Variants in PARD6B observed in about 807,000 individuals in gnomAD.
PARD6B encodes par-6 family cell polarity regulator beta.
Under a neutral mutation model 10.5 loss-of-function variants are expected in PARD6B, and 4 were observed. That is an observed-to-expected ratio of 0.38 (90% CI 0.19 to 0.87). PARD6B has a LOEUF of 0.87. Ranked by LOEUF, PARD6B falls within the 40% of genes least tolerant of loss-of-function variation. The pLI is 0.41. For missense variants in PARD6B, 396 were observed against 470.6 expected (o/e 0.84, Z 1.47); for synonymous variants, 169 against 170.4 (o/e 0.99, Z 0.07).
chr20:50,739,355 G>C (rs2087517456), intron 2 of PARD6B, among the ~76,000 whole-genome samples: 1 of 152,106 alleles, frequency 6.6e-6, no homozygotes, highest in Non-Finnish European at 1.5e-5. Context: ...GCTGAGGCAG[G>C]AGAATCAGCC....
chr20:50,739,923 G>A (rs1053464831), intron 2 of PARD6B, among the ~76,000 whole-genome samples: 8 of 152,266 alleles, frequency 5.3e-5, no homozygotes, highest in African/African-American at 1.9e-4. Flanking sequence ...AAATACTTGG[G>A]AGTCATTGCA....
At chr20:50,745,714 C>T in intron 2 of PARD6B, among the ~76,000 whole-genome samples, 1 of 152,050 alleles carries the variant, frequency 6.6e-6, no homozygotes, top group Non-Finnish European at 1.5e-5. Flanking sequence ...GCTATGTTAC[C>T]CAGGCTGGTC....
chr20:50,732,251 C>G (rs1228155127), intron 1 of PARD6B, among the ~76,000 whole-genome samples: 2 of 152,226 alleles, frequency 1.3e-5, no homozygotes, highest in African/African-American at 4.8e-5. Context: ...GTTGTTCCCA[C>G]TTTCTGTGGT....
Position 50,752,454 on chromosome 20 carries a change from A to G in PARD6B, c.*1966A>G, listed in dbSNP as rs2123710895. On this transcript the variant is annotated 3_prime_UTR_variant, in exon 3 of 3. Transcript: ENST00000371610. Reference sequence around the variant, plus strand: ...TTATCACTATTAATTTTATGAGGCTATTTATTACTTTCCAATGCATCCACT... The same window carrying G: ...TTATCACTATTAATTTTATGAGGCTGTTTATTACTTTCCAATGCATCCACT... The G allele has an allele frequency of 1.0e-6, 1 of 985,602 alleles. No individual in the cohort carries two copies. 61.1% of individuals were successfully genotyped at this position (985,602 alleles called of 1,614,324 possible).
rs200738640 is a variant in PARD6B at position 50,736,826 on chromosome 20, GAGTAGTTGGGACTAC to G, written c.67-1028_67-1014del. On this transcript the variant is annotated intron_variant, in intron 1 of 2. Coordinates refer to ENST00000371610, the MANE Select transcript of PARD6B (RefSeq NM_032521.3). ...AGAGAGTCTCCTGCCTCAGCCTCCT[GAGTAGTTGGGACTAC>G]AGGCATGTGCCACCACACCTGGCTA... 1.8e-3 allele frequency among the ~76,000 whole-genome samples: 266 copies of G among 151,512 alleles called. 3 individuals carry two copies. In the East Asian group the frequency reaches 0.037, roughly 21 times the overall value.
In PARD6B at chr20:50,733,294, C is replaced by T. The variant is rs7272925; in HGVS notation, c.66+1442C>T. On this transcript the variant is annotated intron_variant, in intron 1 of 2. Transcript: ENST00000371610. The stretch of plus-strand genomic sequence containing the variant: ...AAATTTTTAGCCGGCCGTGGTGGCA[C>T]ATGCCTGTAATCCCAGCTACTTGAG... Among the ~76,000 whole-genome samples, 972 of 152,228 alleles carry T rather than the reference C, an allele frequency of 6.4e-3. 7 individuals are homozygous for T. The highest frequency in any genetic ancestry group is 0.019 in the African/African-American group (788 of 41,524).
intron 1 of PARD6B, among the ~76,000 whole-genome samples, chr20:50,734,567 C>G (rs2087489626): frequency 6.6e-6 from 1 of 151,814 alleles, no homozygotes; most frequent in Non-Finnish European, 1.5e-5. Context: ...TCCATGTTGC[C>G]CAGTCTGATC....
intron 2 of PARD6B, among the ~76,000 whole-genome samples, chr20:50,739,258 C>T (rs903360314): frequency 1.3e-4 from 20 of 151,878 alleles, no homozygotes; most frequent in African/African-American, 4.1e-4. Flanking sequence ...ACTAGCATGG[C>T]TAACATGGTG....
chr20:50,748,831 G>A (rs897104610), intron 2 of PARD6B, among the ~76,000 whole-genome samples: 1 of 152,184 alleles, frequency 6.6e-6, no homozygotes, highest in African/African-American at 2.4e-5. Flanking sequence ...CACATTACAA[G>A]TTTTTTAAAC....
chr20:50,750,529 G>T lies in PARD6B; in HGVS notation c.*41G>T. 6.3e-7 allele frequency: 1 copy of T among 1,581,838 alleles called. No homozygotes were observed. Among genetic ancestry groups the T allele is most frequent in the South Asian group, 1.2e-5 (1 of 86,178 alleles). On this transcript the variant is annotated 3_prime_UTR_variant, in exon 3 of 3. Coordinates refer to ENST00000371610, the MANE Select transcript of PARD6B (RefSeq NM_032521.3). The stretch of plus-strand genomic sequence containing the variant: ...GTTTTCAGAGTGAGGATGCCATGAG[G>T]ACTTGTACATTTGGCTAGTTTAAAA...
chr20:50,749,001 C>G (rs937972120), intron 2 of PARD6B, among the ~76,000 whole-genome samples: 2 of 151,912 alleles, frequency 1.3e-5, no homozygotes, highest in Admixed American at 6.6e-5. Context: ...TAGCAAGACC[C>G]TATTCAAAAA....
rs1483984141 is a variant in PARD6B at position 50,753,451 on chromosome 20, CCTAA to C, written c.*2966_*2969del. 1.4e-5 allele frequency: 14 copies of C among 981,664 alleles called. No individual in the cohort carries two copies. The Admixed American group carries it at 4.3e-4, about 30-fold the overall frequency. The allele number at this position is 981,664 out of a possible 1,614,324, so 60.8% of individuals were successfully genotyped here. A position where few individuals can be genotyped will look rare whatever the true frequency, so the allele number is the denominator to read the frequency against. ...AAATTTTATAGTACTAAATGTCAAG[CCTAA>C]CTGTGAATTTTGTTCTGTATCTTAA... On this transcript the variant is annotated 3_prime_UTR_variant, in exon 3 of 3. Transcript: ENST00000371610.
At chr20:50,737,724 C>T (rs2087507172) in intron 1 of PARD6B, 133 bp from the exon 2 acceptor site, 2 of 638,344 alleles carry the variant, frequency 3.1e-6, no homozygotes, top group Non-Finnish European at 2.5e-6. Context: ...TAGTAAGGTT[C>T]TTCACAATAG....
chr20:50,750,469 GA>G lies in PARD6B; in HGVS notation c.1102del (p.Thr368GlnfsTer3). On this transcript the variant is annotated frameshift_variant, in exon 3 of 3. Coordinates refer to ENST00000371610, the MANE Select transcript of PARD6B (RefSeq NM_032521.3). LOFTEE classifies it high-confidence loss of function. ...GATCAAAAACTCTTAGAAGAAGATGGAACAATCATAACATTATGAAACCGTG... is the reference window on the plus strand; with the variant it reads ...GATCAAAAACTCTTAGAAGAAGATGGACAATCATAACATTATGAAACCGTG... ...APDQKLLEEDGTIITL is the reference protein window; with the variant it reads ...APDQKLLEEDXTIITL 6.2e-7 allele frequency: 1 copy of G among 1,613,228 alleles called. No individual in the cohort carries two copies. Among genetic ancestry groups the G allele is most frequent in the Non-Finnish European group, 8.5e-7 (1 of 1,179,574 alleles).
chr20:50,732,503 A>G (rs1319160513), intron 1 of PARD6B, among the ~76,000 whole-genome samples: 1 of 152,202 alleles, frequency 6.6e-6, no homozygotes, highest in South Asian at 2.1e-4. Context: ...CGGTATGCCA[A>G]TCTGCTGATA....
chr20:50,732,281 C>G (rs1197299414), intron 1 of PARD6B, among the ~76,000 whole-genome samples: 1 of 152,188 alleles, frequency 6.6e-6, no homozygotes, highest in Non-Finnish European at 1.5e-5. Context: ...CATCGAGTGG[C>G]GAAGGAGAGA....
At chr20:50,738,858 T>C (rs929272636) in intron 2 of PARD6B, among the ~76,000 whole-genome samples, 21 of 152,032 alleles carry the variant, frequency 1.4e-4, no homozygotes, top group African/African-American at 4.1e-4. Context: ...TGGTCTCCGG[T>C]GATCCTCCAG....
rs1247484904 is a variant in PARD6B at position 50,753,530 on chromosome 20, T to G, written c.*3042T>G. On this transcript the variant is annotated 3_prime_UTR_variant, in exon 3 of 3. Coordinates refer to ENST00000371610, the MANE Select transcript of PARD6B (RefSeq NM_032521.3). ...GCTATCAACAAAATATATGTACTTT[T>G]GTGAGCTATGAATTTTCTAATTAAA... The G allele has an allele frequency of 1.1e-6, 1 of 923,970 alleles. No homozygotes were observed. The highest frequency in any genetic ancestry group is 1.3e-6 in the Non-Finnish European group (1 of 773,772). 57.2% of individuals were successfully genotyped at this position (923,970 alleles called of 1,614,324 possible). A position where few individuals can be genotyped will look rare whatever the true frequency, so the allele number is the denominator to read the frequency against.
chr20:50,731,932 CG>C (rs2087473361), intron 1 of PARD6B, 80 bp downstream of exon 1: 11 of 1,155,024 alleles, frequency 9.5e-6, no homozygotes, highest in South Asian at 2.5e-5. Flanking sequence ...CTCGGAGCGC[CG>C]GGGGAGGCGA....
Sources: gnomAD v4.1 joint callset for allele counts (sites outside exome capture counted in the v4.1 genomes callset) on GRCh38, gnomAD v4.1.1 for gene constraint, MANE v1.5 for transcripts, NCBI Gene and HGNC (gene_info 2026-07-23, HGNC 2026-07-21) for gene names.